ARHGEF12: variants seen among roughly 807,000 people sequenced by gnomAD.
ARHGEF12 encodes Rho guanine nucleotide exchange factor 12, also known as KMT2A/ARHGEF12 fusion protein.
Under a neutral mutation model 211.2 loss-of-function variants are expected in ARHGEF12, and 66 were observed. The observed-to-expected ratio is 0.31, with a 90% CI of 0.26 to 0.38. The LOEUF is 0.38. Ranked by LOEUF, ARHGEF12 falls within the 10% of genes least tolerant of loss-of-function variation. The probability of loss-of-function intolerance (pLI) is 1.00; values close to 1 mark genes in which losing one functional copy is unlikely to be tolerated. For missense variants in ARHGEF12, 1,429 were observed against 1,869.5 expected (o/e 0.76, Z 4.34); for synonymous variants, 592 against 638.4 (o/e 0.93, Z 1.09).
chr11:120,477,077 G>A, intron 34 of ARHGEF12, 142 bp from the exon 35 acceptor site: 1 of 679,168 alleles, frequency 1.5e-6, no homozygotes, highest in Non-Finnish European at 2.5e-6. Context: ...CTGGCAGAGT[G>A]GGTTTTGTTG....
intron 8 of ARHGEF12, 53 bp downstream of exon 8, chr11:120,428,300 T>C: frequency 7.2e-7 from 1 of 1,393,224 alleles, no homozygotes; most frequent in Non-Finnish European, 9.5e-7. Flanking sequence ...AGGATGTGTT[T>C]ACTTTATATG....
Position 120,457,146 on chromosome 11 carries a change from A to G in ARHGEF12, c.2085A>G (p.Ala695=), listed in dbSNP as rs746655818. 1 of 1,614,026 alleles carries G rather than the reference A, an allele frequency of 6.2e-7. No homozygotes were observed. The highest frequency in any genetic ancestry group is 1.7e-5 in the Admixed American group (1 of 60,014). The change falls in exon 23 of 41, where the codon GCA becomes GCG. Residue 695 remains alanine (A), a synonymous_variant. Coordinates refer to ENST00000397843, the MANE Select transcript of ARHGEF12 (RefSeq NM_015313.3). ...CAAAGCAAGTTGGAGAAACATCAGC[A>G]CCTGGAGACACCTTAGATGGCACAC... ...TGSKQVGETS[A]PGDTLDGTPR...
At chr11:120,414,231 A>T (rs902659078) in intron 4 of ARHGEF12, among the ~76,000 whole-genome samples, 2 of 152,236 alleles carry the variant, frequency 1.3e-5, no homozygotes, top group African/African-American at 4.8e-5. Context: ...TAGGCAAAAT[A>T]TGATTTTTAA....
Position 120,428,127 on chromosome 11 carries a change from A to G in ARHGEF12, c.465A>G (p.Pro155=), listed in dbSNP as rs770213973. The G allele has an allele frequency of 1.9e-5, 31 of 1,608,584 alleles. No homozygotes were observed. The highest frequency in any genetic ancestry group is 2.5e-5 in the Non-Finnish European group (30 of 1,177,796). The change falls in exon 8 of 41, where the codon CCA becomes CCG. Residue 155 remains proline (P), a synonymous_variant. Coordinates refer to ENST00000397843, the MANE Select transcript of ARHGEF12 (RefSeq NM_015313.3). The part of the protein sequence containing the change: ...QGRPPGSPQI[P]LADSEVEPSV... ...GCCCACCTGGGTCGCCCCAGATTCCACTTGCCGACTCTGAAGTAGAGCCGT... is the reference window on the plus strand; with the variant it reads ...GCCCACCTGGGTCGCCCCAGATTCCGCTTGCCGACTCTGAAGTAGAGCCGT...
At chr11:120,383,593 T>G (rs1027224322) in intron 1 of ARHGEF12, among the ~76,000 whole-genome samples, 1 of 152,140 alleles carries the variant, frequency 6.6e-6, no homozygotes, top group Non-Finnish European at 1.5e-5. Flanking sequence ...ATCCCTCTCA[T>G]GTGCAGTTCG....
intron 4 of ARHGEF12, among the ~76,000 whole-genome samples, chr11:120,418,586 T>C (rs954663855): frequency 2.0e-5 from 3 of 152,220 alleles, no homozygotes; most frequent in African/African-American, 7.2e-5. Context: ...TATGCAAATA[T>C]ATGCTTACCT....
At chr11:120,368,487 C>G (rs559843333) in intron 1 of ARHGEF12, among the ~76,000 whole-genome samples, 2 of 152,250 alleles carry the variant, frequency 1.3e-5, no homozygotes, top group Admixed American at 6.5e-5. Context: ...TGTTTATTAC[C>G]TGGTATGTTC....
chr11:120,374,926 A>G (rs1943686885), intron 1 of ARHGEF12, among the ~76,000 whole-genome samples: 1 of 152,158 alleles, frequency 6.6e-6, no homozygotes, highest in Non-Finnish European at 1.5e-5. Flanking sequence ...ATTTTTGGAT[A>G]TCAACTCTCA....
At chr11:120,393,121 G>A (rs570372619) in intron 1 of ARHGEF12, among the ~76,000 whole-genome samples, 11 of 152,260 alleles carry the variant, frequency 7.2e-5, no homozygotes, top group East Asian at 5.8e-4. Context: ...ATTGTCAGGC[G>A]TATGCTCAGC....
intron 1 of ARHGEF12, among the ~76,000 whole-genome samples, chr11:120,364,388 A>C (rs1943366095): frequency 6.6e-6 from 1 of 152,236 alleles, no homozygotes; most frequent in African/African-American, 2.4e-5. Context: ...AACTTACAGA[A>C]AATAATTTGA....
At chr11:120,400,568 G>A (rs775554258) in intron 1 of ARHGEF12, among the ~76,000 whole-genome samples, 2 of 152,146 alleles carry the variant, frequency 1.3e-5, no homozygotes, top group African/African-American at 4.8e-5. Flanking sequence ...AATGAAAGTG[G>A]TGGAGAAACC....
rs919314360 is a variant in ARHGEF12, at chr11:120,486,373, C to T, written c.*1296C>T. 8.6e-5 allele frequency: 20 copies of T among 232,740 alleles called. No individual in the cohort carries two copies. Among genetic ancestry groups the T allele is most frequent in the Middle Eastern group, 1.3e-3 (1 of 784 alleles). The allele number at this position is 232,740 out of a possible 1,614,324, so 14.4% of individuals were successfully genotyped here. A position where few individuals can be genotyped will look rare whatever the true frequency, so the allele number is the denominator to read the frequency against. On this transcript the variant is annotated 3_prime_UTR_variant, in exon 41 of 41. Coordinates refer to ENST00000397843, the MANE Select transcript of ARHGEF12 (RefSeq NM_015313.3). ...TGCCGCAGCTCTTTCCACACGGGGC[C>T]GTGATTGACCCTAAAAATTGCAGAC...
chr11:120,469,204 G>T, intron 29 of ARHGEF12, 84 bp from the exon 30 acceptor site: 1 of 1,043,488 alleles, frequency 9.6e-7, no homozygotes, highest in South Asian at 1.6e-5. Context: ...TAAAAGTATT[G>T]AAATGAAATG....
At chr11:120,371,226 T>C (rs938453187) in intron 1 of ARHGEF12, among the ~76,000 whole-genome samples, 2 of 152,222 alleles carry the variant, frequency 1.3e-5, no homozygotes, top group Non-Finnish European at 2.9e-5. Context: ...CGGTGGCTCA[T>C]GCCTGTAATC....
intron 2 of ARHGEF12, 38 bp downstream of exon 2, chr11:120,406,179 G>A: frequency 1.4e-6 from 2 of 1,386,966 alleles, no homozygotes; most frequent in Admixed American, 2.8e-5. Context: ...TCAAGTTTAG[G>A]TTATATTTTA....
intron 1 of ARHGEF12, among the ~76,000 whole-genome samples, chr11:120,366,305 A>C (rs1285988181): frequency 6.6e-6 from 1 of 152,190 alleles, no homozygotes; most frequent in African/African-American, 2.4e-5. Context: ...TAGATGTACT[A>C]TCTGCTTTGG....
At chr11:120,451,861 C>A in intron 22 of ARHGEF12, 137 bp downstream of exon 22, 2 of 794,814 alleles carry the variant, frequency 2.5e-6, no homozygotes, top group Non-Finnish European at 2.0e-6. Context: ...ATGCTACAAC[C>A]AATAAGAAAT....
intron 11 of ARHGEF12, 23 bp from the exon 12 acceptor site, chr11:120,437,285 G>A: frequency 6.4e-7 from 1 of 1,563,356 alleles, no homozygotes; most frequent in Non-Finnish European, 8.7e-7. Flanking sequence ...GAAATGAACT[G>A]AAGATCTTGT....
At chr11:120,386,353 A>G (rs539716205) in intron 1 of ARHGEF12, among the ~76,000 whole-genome samples, 3 of 152,248 alleles carry the variant, frequency 2.0e-5, no homozygotes, top group East Asian at 3.9e-4. Flanking sequence ...AAGAGCTAGG[A>G]CCCTAATTTA....
Sources: gnomAD v4.1 joint callset for allele counts (sites outside exome capture counted in the v4.1 genomes callset) on GRCh38, gnomAD v4.1.1 for gene constraint, MANE v1.5 for transcripts, NCBI Gene and HGNC (gene_info 2026-07-23, HGNC 2026-07-21) for gene names.